The following CFAP141 variants were observed in gnomAD, a reference collection of about 807,000 sequenced individuals.
CFAP141 encodes cilia- and flagella-associated protein 141.
chr1:154,205,492 G>A, the CFAP141 span: 15 of 1,040,104 alleles, frequency 1.4e-5, no homozygotes, highest in Non-Finnish European at 2.1e-5. Context: ...TTTTCCTCTT[G>A]ATGAGCCCCT....
At chr1:154,200,010 G>A in the CFAP141 span, among the ~76,000 whole-genome samples, 1 of 152,216 alleles carries the variant, frequency 6.6e-6, no homozygotes, top group Non-Finnish European at 1.5e-5. Context: ...AAGTAGCTGG[G>A]ATTATAGGCA....
At chr1:154,199,100 A>C in the CFAP141 span, among the ~76,000 whole-genome samples, 1 of 152,208 alleles carries the variant, frequency 6.6e-6, no homozygotes, top group African/African-American at 2.4e-5. Flanking sequence ...GCCTTTAGGA[A>C]GTAAATTTAT....
At chr1:154,204,091 C>CAATA in the CFAP141 span, among the ~76,000 whole-genome samples, 598 of 151,478 alleles carry the variant, frequency 3.9e-3, 1 homozygote, top group African/African-American at 9.4e-3. Context: ...AACTCCATCT[C>CAATA]AATAAATAAA....
At chr1:154,201,453 T>C in the CFAP141 span, among the ~76,000 whole-genome samples, 2 of 150,672 alleles carry the variant, frequency 1.3e-5, no homozygotes, top group East Asian at 3.9e-4. Context: ...AGTGAGGCAA[T>C]CTTGGCTCAC....
chr1:154,201,937 A>ATT, the CFAP141 span, among the ~76,000 whole-genome samples: 8 of 138,756 alleles, frequency 5.8e-5, no homozygotes, highest in Non-Finnish European at 6.3e-5. Flanking sequence ...CGCCCAGGTA[A>ATT]TTTTTTTTTT....
At chr1:154,199,617 G>A in the CFAP141 span, 1 of 875,776 alleles carries the variant, frequency 1.1e-6, no homozygotes, top group African/African-American at 1.7e-5. Context: ...CCCATTATTT[G>A]TGTTCTCTTG....
the CFAP141 span, among the ~76,000 whole-genome samples, chr1:154,205,405 A>G: frequency 6.6e-6 from 1 of 152,090 alleles, no homozygotes; most frequent in Non-Finnish European, 1.5e-5. Context: ...AATCTATATC[A>G]CCTAACCTAG....
chr1:154,205,610 T>C, the CFAP141 span: 6 of 1,613,750 alleles, frequency 3.7e-6, no homozygotes, highest in Non-Finnish European at 4.2e-6. Context: ...GTCGACCGTC[T>C]TCTTAAGTCC....
chr1:154,206,153 TACTA>T, the CFAP141 span: 1 of 919,138 alleles, frequency 1.1e-6, no homozygotes, highest in Non-Finnish European at 1.8e-6. Flanking sequence ...CCACTCCTGT[TACTA>T]ACTACATTAT....
chr1:154,203,217 A>AC, the CFAP141 span, among the ~76,000 whole-genome samples: 1 of 59,808 alleles, frequency 1.7e-5, no homozygotes, highest in Non-Finnish European at 2.9e-5. Context: ...ATATATATAT[A>AC]TATATATATA....
At chr1:154,205,693 A>C in the CFAP141 span, 1 of 1,531,430 alleles carries the variant, frequency 6.5e-7, no homozygotes, top group Non-Finnish European at 9.0e-7. Flanking sequence ...CCTCTATTCT[A>C]ATGAGAGACA....
the CFAP141 span, chr1:154,199,227 G>T: frequency 2.2e-6 from 1 of 450,004 alleles, no homozygotes; most frequent in Admixed American, 3.9e-5. Context: ...TGTTGTTACT[G>T]TTGTTTCATA....
At chr1:154,203,172 AATATATATATATATATATATATAT>A in the CFAP141 span, among the ~76,000 whole-genome samples, 370 of 29,520 alleles carry the variant, frequency 0.013, 14 homozygotes, top group African/African-American at 0.017. Context: ...TGACTGGGCA[AATATATATATATATATATATATAT>A]ATATATATAT....
the CFAP141 span, chr1:154,200,679 CTTTT>C: frequency 7.2e-7 from 1 of 1,382,264 alleles, no homozygotes; most frequent in Non-Finnish European, 9.9e-7. Context: ...TTTCTTTTTT[CTTTT>C]TCTTTTCTTT....
the CFAP141 span, among the ~76,000 whole-genome samples, chr1:154,203,912 G>A: frequency 6.6e-6 from 1 of 152,100 alleles, no homozygotes; most frequent in Admixed American, 6.6e-5. Context: ...CCAACGTGGT[G>A]AAACTCCGAC....
chr1:154,199,269 C>T, the CFAP141 span: 1 of 498,516 alleles, frequency 2.0e-6, no homozygotes, highest in Non-Finnish European at 3.7e-6. Flanking sequence ...AAAGGATTAA[C>T]GAGAGAGTGG....
At chr1:154,202,429 C>T in the CFAP141 span, among the ~76,000 whole-genome samples, 1 of 152,092 alleles carries the variant, frequency 6.6e-6, no homozygotes, top group African/African-American at 2.4e-5. Context: ...CATGCATGTA[C>T]ATATATCTAC....
chr1:154,200,421 T>C, the CFAP141 span: 1 of 1,610,060 alleles, frequency 6.2e-7, no homozygotes, highest in South Asian at 1.1e-5. Context: ...CACACAGCAG[T>C]AGTGAATGAG....
the CFAP141 span, chr1:154,200,627 T>C: frequency 1.2e-6 from 2 of 1,611,532 alleles, no homozygotes; most frequent in Non-Finnish European, 8.5e-7. Flanking sequence ...ATGGGTGGGT[T>C]AGAGTTAGGA....
Sources: allele counts gnomAD v4.1 joint callset (sites outside exome capture counted in the v4.1 genomes callset), GRCh38; gene constraint gnomAD v4.1.1; transcripts MANE v1.5; gene names NCBI Gene and HGNC (gene_info 2026-07-23, HGNC 2026-07-21).